SYCE2: variants seen among roughly 807,000 people sequenced by gnomAD.
The protein encoded by SYCE2 is synaptonemal complex central element protein 2.
A neutral mutation model predicts 27.9 loss-of-function variants in SYCE2; 3 were observed. The observed-to-expected ratio is 0.11, with a 90% CI of 0.05 to 0.28. The LOEUF is 0.28. Among genes scored for constraint, SYCE2 ranks in the 10% least tolerant of loss-of-function variants. The pLI is 1.00. For synonymous variants in SYCE2, 85 were observed against 100.7 expected, an observed-to-expected ratio of 0.84 and a Z score of 0.93; for missense variants, 207 against 263.5, an observed-to-expected ratio of 0.79 and a Z score of 1.48.
At chr19:12,899,758 CTTT>C (rs761616033) in intron 5 of SYCE2, 1 of 1,609,638 alleles carries the variant, frequency 6.2e-7, no homozygotes, top group Non-Finnish European at 8.5e-7. Flanking sequence ...TCTCAATCCA[CTTT>C]TAACCATGGA....
chr19:12,918,413 A>C, intron 1 of SYCE2, 76 bp from the exon 2 acceptor site: 3 of 1,337,934 alleles, frequency 2.2e-6, no homozygotes, highest in Non-Finnish European at 3.2e-6. Context: ...CGACCCTTCA[A>C]CCCTGGTCAC....
chr19:12,914,598 G>A (rs1444834144), intron 2 of SYCE2, among the ~76,000 whole-genome samples: 1 of 132,102 alleles, frequency 7.6e-6, no homozygotes, highest in African/African-American at 2.9e-5. Context: ...TCTCTACAAA[G>A]CAGCCATATT....
chr19:12,899,817 G>A, intron 5 of SYCE2, 187 bp downstream of exon 5: 5 of 1,581,254 alleles, frequency 3.2e-6, no homozygotes, highest in Non-Finnish European at 4.3e-6. Flanking sequence ...TCTCTTGAGA[G>A]GAGAGTGACA....
At position 12,900,031 on chromosome 19, in the gene SYCE2, A is replaced by C. The variant is rs768555038; in HGVS notation, c.585T>G (p.Val195=). The change falls in exon 5 of 6, where the codon GTT becomes GTG. Residue 195 remains valine (V), a synonymous_variant. Coordinates refer to ENST00000293695, the MANE Select transcript of SYCE2 (RefSeq NM_001105578.2). ...GAGAAGTAGTTTCAGCCACAGAAGAAACGAACACGTCTGGGGGCTGTGAGT... is the reference window on the plus strand; with the variant it reads ...GAGAAGTAGTTTCAGCCACAGAAGACACGAACACGTCTGGGGGCTGTGAGT... ...PGNSQPPDVF[V]SSVAETTSQA... 5.1e-5 allele frequency: 83 copies of C among 1,613,516 alleles called. 1 individual carries two copies. In the South Asian group the frequency reaches 7.9e-4, roughly 15 times the overall value.
rs754922248 is a variant in SYCE2, at chr19:12,910,324, ATTTTC to A, written c.132-5663_132-5659del. On this transcript the variant is annotated intron_variant, in intron 2 of 5. Transcript: ENST00000293695. ...AAAATTTTTTTTTCTTTTGTAAGAAATTTTCTTTTGTAAAAAATTTTGTTATTATT... is the reference window on the plus strand; with the variant it reads ...AAAATTTTTTTTTCTTTTGTAAGAAATTTTGTAAAAAATTTTGTTATTATT... 6.5e-4 allele frequency among the ~76,000 whole-genome samples: 98 copies of A among 151,868 alleles called. 2 individuals carry two copies. The highest frequency in any genetic ancestry group is 4.4e-4 in the Non-Finnish European group (30 of 67,960).
chr19:12,904,299 T>C (rs898037409), intron 3 of SYCE2, among the ~76,000 whole-genome samples, 193 bp downstream of exon 3: 5 of 152,208 alleles, frequency 3.3e-5, no homozygotes, highest in African/African-American at 1.2e-4. Context: ...TTCAACTTAC[T>C]ACATTTTTGA....
chr19:12,910,768 C>T (rs1323997844), intron 2 of SYCE2, among the ~76,000 whole-genome samples: 1 of 151,948 alleles, frequency 6.6e-6, no homozygotes, highest in Non-Finnish European at 1.5e-5. Context: ...AGCTCTGCCT[C>T]CCGGGTTCAT....
intron 2 of SYCE2, among the ~76,000 whole-genome samples, chr19:12,908,435 T>C (rs1375682865): frequency 6.6e-6 from 1 of 151,756 alleles, no homozygotes. Context: ...CGCCATTCTC[T>C]TTCCTCAGCC....
chr19:12,917,931 T>C (rs1425945747), intron 2 of SYCE2, among the ~76,000 whole-genome samples: 1 of 152,104 alleles, frequency 6.6e-6, no homozygotes, highest in Non-Finnish European at 1.5e-5. Flanking sequence ...AGTGTTGGGA[T>C]TACAGGTGTG....
intron 2 of SYCE2, among the ~76,000 whole-genome samples, chr19:12,917,887 G>A (rs895081679): frequency 2.0e-5 from 3 of 151,704 alleles, no homozygotes; most frequent in Admixed American, 6.6e-5. Flanking sequence ...TCAAACTCCC[G>A]ACCTTAGGTG....
At chr19:12,910,212 CT>C (rs1253919626) in intron 2 of SYCE2, among the ~76,000 whole-genome samples, 1 of 151,824 alleles carries the variant, frequency 6.6e-6, no homozygotes, top group Non-Finnish European at 1.5e-5. Context: ...AGCTCTATAA[CT>C]TTCACTTCTC....
At chr19:12,916,531 TC>T (rs1204517572) in intron 2 of SYCE2, among the ~76,000 whole-genome samples, 1 of 152,150 alleles carries the variant, frequency 6.6e-6, no homozygotes, top group Non-Finnish European at 1.5e-5. Context: ...TGCTCTAAGG[TC>T]CCTGTCACTC....
chr19:12,912,040 C>CA (rs1330329028), intron 2 of SYCE2, among the ~76,000 whole-genome samples: 1 of 151,806 alleles, frequency 6.6e-6, no homozygotes, highest in East Asian at 1.9e-4. Flanking sequence ...CGGGTTCAAG[C>CA]AATTCTCCTG....
intron 3 of SYCE2, among the ~76,000 whole-genome samples, chr19:12,902,810 T>C (rs906108239): frequency 1.3e-5 from 2 of 151,320 alleles, no homozygotes; most frequent in Non-Finnish European, 2.9e-5. Context: ...AAGGCTTGTC[T>C]CAAAAAAAAA....
intron 2 of SYCE2, among the ~76,000 whole-genome samples, chr19:12,913,010 C>A (rs1205888138): frequency 1.3e-5 from 2 of 152,200 alleles, no homozygotes; most frequent in Non-Finnish European, 2.9e-5. Context: ...AAACAAAATG[C>A]GTGGTGTCCT....
At chr19:12,918,459 G>A (rs1035558862) in intron 1 of SYCE2, 122 bp from the exon 2 acceptor site, 24 of 858,856 alleles carry the variant, frequency 2.8e-5, no homozygotes, top group South Asian at 2.8e-4. Context: ...GGGACCCGCA[G>A]GAAAGACGGG....
At chr19:12,917,002 A>G (rs1971149961) in intron 2 of SYCE2, among the ~76,000 whole-genome samples, 1 of 151,414 alleles carries the variant, frequency 6.6e-6, no homozygotes. Flanking sequence ...TGCCAGCGCC[A>G]GCCTCCCAAA....
chr19:12,901,168 CAAAATAAATAAA>C (rs1953704607), intron 3 of SYCE2, among the ~76,000 whole-genome samples: 1 of 106,912 alleles, frequency 9.4e-6, no homozygotes, highest in Non-Finnish European at 2.0e-5. Flanking sequence ...GACTCCATCT[CAAAATAAATAAA>C]TAAATAAATA....
At chr19:12,907,918 C>T (rs1259450424) in intron 2 of SYCE2, among the ~76,000 whole-genome samples, 5 of 152,196 alleles carry the variant, frequency 3.3e-5, no homozygotes, top group Admixed American at 2.0e-4. Context: ...TTGAGACCAG[C>T]CTGGGCAACA....
Sources: gnomAD v4.1 joint callset for allele counts (sites outside exome capture counted in the v4.1 genomes callset) on GRCh38, gnomAD v4.1.1 for gene constraint, MANE v1.5 for transcripts, NCBI Gene and HGNC (gene_info 2026-07-23, HGNC 2026-07-21) for gene names.